Variants in MORN4 observed in about 807,000 individuals in gnomAD.
The protein encoded by MORN4 is MORN repeat containing 4.
Under a neutral mutation model 16.4 loss-of-function variants are expected in MORN4, and 8 were observed. The ratio of observed to expected loss-of-function variants is 0.49; its 90% CI spans 0.29 to 0.88. The LOEUF is 0.88. Ranked by LOEUF, MORN4 falls within the 40% of genes least tolerant of loss-of-function variation. The pLI, the probability that MORN4 is intolerant of heterozygous loss-of-function variation, is 0.09. For synonymous variants in MORN4, 53 were observed against 68.9 expected, an observed-to-expected ratio of 0.77 and a Z score of 1.14; for missense variants, 159 against 182.9, an observed-to-expected ratio of 0.87 and a Z score of 0.75.
intron 2 of MORN4, 198 bp downstream of exon 2, chr10:97,619,389 C>A: frequency 3.3e-6 from 2 of 600,134 alleles, no homozygotes; most frequent in South Asian, 2.1e-5. Flanking sequence ...TAACTCATTC[C>A]TGGAGGTTGA....
At chr10:97,621,348 T>C (rs1266438644) in intron 1 of MORN4, among the ~76,000 whole-genome samples, 1 of 152,016 alleles carries the variant, frequency 6.6e-6, no homozygotes, top group Non-Finnish European at 1.5e-5. Flanking sequence ...GTTTACAGCA[T>C]ATGAGGGAGG....
intron 1 of MORN4, among the ~76,000 whole-genome samples, chr10:97,632,927 T>A: frequency 6.6e-6 from 1 of 152,094 alleles, no homozygotes; most frequent in Admixed American, 6.5e-5. Flanking sequence ...CTTCCATATG[T>A]GGGAGTTCTC....
At chr10:97,630,138 A>G (rs2041383772) in intron 1 of MORN4, among the ~76,000 whole-genome samples, 1 of 152,086 alleles carries the variant, frequency 6.6e-6, no homozygotes, top group South Asian at 2.1e-4. Context: ...CATGTTAGCC[A>G]GGATGGTCTC....
upstream of MORN4, among the ~76,000 whole-genome samples, chr10:97,633,960 CT>C (rs1419684013): frequency 1.2e-4 from 18 of 152,310 alleles, no homozygotes; most frequent in African/African-American, 3.6e-4. The surrounding 1 kb of genome is among the most constrained non-coding windows in gnomAD (Gnocchi z 4.5). Flanking sequence ...GGAATTTGTG[CT>C]GTCCTTGTCA....
intron 1 of MORN4, among the ~76,000 whole-genome samples, chr10:97,622,014 T>A (rs1421706915): frequency 6.6e-6 from 1 of 152,226 alleles, no homozygotes; most frequent in African/African-American, 2.4e-5. Flanking sequence ...CTTGCTACAC[T>A]TGGACCTGTT....
chr10:97,626,710 C>A (rs1037201930), intron 1 of MORN4, among the ~76,000 whole-genome samples: 1 of 150,914 alleles, frequency 6.6e-6, no homozygotes, highest in Non-Finnish European at 1.5e-5. Flanking sequence ...CCCATCTCAG[C>A]CTTCCAAAGT....
In MORN4 at chr10:97,615,906, A is replaced by C. The variant is rs973136881; in HGVS notation, c.*357T>G. 3 of 167,738 alleles carry C rather than the reference A, an allele frequency of 1.8e-5. No individual in the cohort carries two copies. The highest frequency in any genetic ancestry group is 3.8e-5 in the Non-Finnish European group (3 of 78,778). The allele number at this position is 167,738 out of a possible 1,614,324, so 10.4% of individuals were successfully genotyped here. ...ACCTGTCCCCAAAGCAGCAGAACGA[A>C]GGTTCTGTATCACTTGGCAGAAAAT... On this transcript the variant is annotated 3_prime_UTR_variant, in exon 5 of 5. Coordinates refer to ENST00000307450, the MANE Select transcript of MORN4 (RefSeq NM_178832.4).
At chr10:97,616,826 T>G in intron 3 of MORN4, 39 bp from the exon 4 acceptor site, 1 of 1,431,216 alleles carries the variant, frequency 7.0e-7, no homozygotes, top group Non-Finnish European at 9.9e-7. Flanking sequence ...AGTGGAAAGT[T>G]AGCTGTCCAG....
In MORN4 at chr10:97,616,132, A is replaced by G. The variant is rs574335075; in HGVS notation, c.*131T>C. On this transcript the variant is annotated 3_prime_UTR_variant, in exon 5 of 5. Coordinates refer to ENST00000307450, the MANE Select transcript of MORN4 (RefSeq NM_178832.4). ...GTCCAGTTCTGGAATGGCAGGTGAC[A>G]GGGCACATACAAGGCCTCTGCTCCA... 11 of 901,558 alleles carry G rather than the reference A, an allele frequency of 1.2e-5. No individual in the cohort carries two copies. In the African/African-American group the frequency reaches 1.7e-4, roughly 14 times the overall value. The allele number at this position is 901,558 out of a possible 1,614,324, so 55.8% of individuals were successfully genotyped here. A position where few individuals can be genotyped will look rare whatever the true frequency, so the allele number is the denominator to read the frequency against.
At chr10:97,627,428 C>G (rs1170006500) in intron 1 of MORN4, among the ~76,000 whole-genome samples, 1 of 152,204 alleles carries the variant, frequency 6.6e-6, no homozygotes, top group South Asian at 2.1e-4. Context: ...CAGGCGTGAG[C>G]TACCGCGCCC....
Position 97,616,747 on chromosome 10 carries a change from C to T in MORN4, c.223G>A (p.Gly75Arg), listed in dbSNP as rs181071367. The T allele has an allele frequency of 1.4e-5, 23 of 1,614,088 alleles. No homozygotes were observed. The highest frequency in any genetic ancestry group is 1.6e-4 in the Middle Eastern group (1 of 6,062). The part of the protein sequence containing the change: ...EFAQGKFNGV[G>R]VFIRYDNMTF... ...ATGTTGTCATATCGAATGAAGACTC[C>T]GACGCCATTAAACTTGCCCTGGGCA... The change falls in exon 4 of 5, where the codon GGA (glycine) becomes AGA (arginine). Residue 75 changes from glycine to arginine, a missense_variant. Gly to Arg is a moderately radical substitution (Grantham distance 125). Coordinates refer to ENST00000307450, the MANE Select transcript of MORN4 (RefSeq NM_178832.4).
chr10:97,621,864 A>G (rs564497315), intron 1 of MORN4, among the ~76,000 whole-genome samples: 8 of 140,964 alleles, frequency 5.7e-5, no homozygotes, highest in African/African-American at 2.0e-4. Flanking sequence ...GGCTCTGTCT[A>G]AAAAAAAAAA....
At chr10:97,624,994 G>A (rs2041335170) in intron 1 of MORN4, among the ~76,000 whole-genome samples, 1 of 152,174 alleles carries the variant, frequency 6.6e-6, no homozygotes, top group Non-Finnish European at 1.5e-5. Context: ...CACACGGCAT[G>A]AGCATCAGTG....
chr10:97,627,422 C>T (rs771585195), intron 1 of MORN4, among the ~76,000 whole-genome samples: 9 of 152,258 alleles, frequency 5.9e-5, no homozygotes, highest in Admixed American at 2.0e-4. Flanking sequence ...AGATTACAGG[C>T]GTGAGCTACC....
intron 1 of MORN4, among the ~76,000 whole-genome samples, chr10:97,626,360 G>C (rs1263614854): frequency 6.7e-6 from 1 of 148,702 alleles, no homozygotes; most frequent in African/African-American, 2.5e-5. Context: ...CTGGGTGACA[G>C]AGCGAGACTC....
At chr10:97,620,990 G>T (rs969488511) in intron 1 of MORN4, among the ~76,000 whole-genome samples, 1 of 151,504 alleles carries the variant, frequency 6.6e-6, no homozygotes, top group African/African-American at 2.4e-5. Context: ...GTGTGGTGGC[G>T]GGCACCTGTA....
Position 97,633,226 on chromosome 10 carries a change from G to T in MORN4, c.-31+121C>A, listed in dbSNP as rs1164824564. On this transcript the variant is annotated intron_variant, in intron 1 of 4. Coordinates refer to ENST00000307450, the MANE Select transcript of MORN4 (RefSeq NM_178832.4). The surrounding 1 kb of genome is among the most constrained non-coding windows in gnomAD (Gnocchi z 4.5). ...GTCCCCCACAGGCAACCGCCCTCAGGTCAGCGTATCCGAGGTGGAGCCGCG... is the reference window on the plus strand; with the variant it reads ...GTCCCCCACAGGCAACCGCCCTCAGTTCAGCGTATCCGAGGTGGAGCCGCG... 2 of 1,162,664 alleles carry T rather than the reference G, an allele frequency of 1.7e-6. No individual in the cohort carries two copies. Among genetic ancestry groups the T allele is most frequent in the Non-Finnish European group, 2.2e-6 (2 of 896,598 alleles). 72.0% of individuals were successfully genotyped at this position (1,162,664 alleles called of 1,614,324 possible).
intron 1 of MORN4, among the ~76,000 whole-genome samples, chr10:97,632,763 A>G (rs1182622315): frequency 1.3e-5 from 2 of 151,516 alleles, no homozygotes; most frequent in Non-Finnish European, 2.9e-5. Flanking sequence ...ACTAGGGAGT[A>G]ATACTGCCAG....
In MORN4 at chr10:97,615,473, A is replaced by G. The variant is rs1056248743; in HGVS notation, c.*790T>C. On this transcript the variant is annotated 3_prime_UTR_variant, in exon 5 of 5. Transcript: ENST00000307450. ...CGTGGTGGCTCACGCCTGTAATCCC[A>G]GCACTTTGGGAGACCAAGGCGGGTG... is the stretch of plus-strand genomic sequence containing the variant. 3 of 152,268 alleles carry G rather than the reference A, an allele frequency of 2.0e-5. No individual in the cohort carries two copies. Among genetic ancestry groups the G allele is most frequent in the Non-Finnish European group, 4.4e-5 (3 of 68,080 alleles). The allele number at this position is 152,268 out of a possible 1,614,324, so 9.4% of individuals were successfully genotyped here.
Sources: allele counts gnomAD v4.1 joint callset (sites outside exome capture counted in the v4.1 genomes callset), GRCh38; gene constraint gnomAD v4.1.1; non-coding constraint Gnocchi (gnomAD v3.1); transcripts MANE v1.5; gene names NCBI Gene and HGNC (gene_info 2026-07-23, HGNC 2026-07-21).